SNX9: variants seen among roughly 807,000 people sequenced by gnomAD.
SNX9 encodes sorting nexin 9.
A neutral mutation model predicts 89.4 loss-of-function variants in SNX9; 44 were observed. The observed-to-expected ratio is 0.49, with a 90% CI of 0.39 to 0.63. SNX9 has a LOEUF of 0.63. Ranked by LOEUF, SNX9 falls within the 30% of genes least tolerant of loss-of-function variation. The pLI is 0.00. For missense variants in SNX9, 578 were observed against 736.1 expected, an observed-to-expected ratio of 0.79 and a Z score of 2.49; for synonymous variants, 236 against 247.8, an observed-to-expected ratio of 0.95 and a Z score of 0.45.
At chr6:157,902,671 T>C (rs1783130233) in intron 6 of SNX9, among the ~76,000 whole-genome samples, 1 of 152,172 alleles carries the variant, frequency 6.6e-6, no homozygotes, top group Non-Finnish European at 1.5e-5. Context: ...TGTTGTGTTT[T>C]ATTTTTTTGT....
At chr6:157,832,864 T>G (rs1023302025) in intron 1 of SNX9, among the ~76,000 whole-genome samples, 3 of 152,234 alleles carry the variant, frequency 2.0e-5, no homozygotes, top group Non-Finnish European at 2.9e-5. Context: ...CATATCAGTC[T>G]GTTACTTAGT....
rs1554291784 is a variant in SNX9, at chr6:157,844,587, G to GTTTTTTTGTTTTT, written c.12+21148_12+21149insGTTTTTTTTTTTT. Reference sequence around the variant, plus strand: ...ATTTTTAATCTTGTGGCTAATCCTTGTTTTTTTTTTTTGTTTTTTTTTTTG... The same window carrying GTTTTTTTGTTTTT: ...ATTTTTAATCTTGTGGCTAATCCTTGTTTTTTTGTTTTTTTTTTTTTTTTTGTTTTTTTTTTTG... On this transcript the variant is annotated intron_variant, in intron 1 of 17. Coordinates refer to ENST00000392185, the MANE Select transcript of SNX9 (RefSeq NM_016224.5). 1.2e-3 allele frequency among the ~76,000 whole-genome samples: 161 copies of GTTTTTTTGTTTTT among 130,266 alleles called. 8 individuals carry two copies. In the East Asian group the frequency reaches 0.019, roughly 15 times the overall value. 85.5% of individuals were successfully genotyped at this position (130,266 alleles called of 152,430 possible).
chr6:157,878,226 G>T (rs1018790353), intron 4 of SNX9, among the ~76,000 whole-genome samples: 2 of 152,210 alleles, frequency 1.3e-5, no homozygotes, highest in Non-Finnish European at 2.9e-5. Flanking sequence ...TCTTTTGGTG[G>T]TGAGAAAACG....
At chr6:157,847,634 A>T (rs1339743438) in intron 1 of SNX9, among the ~76,000 whole-genome samples, 1 of 152,142 alleles carries the variant, frequency 6.6e-6, no homozygotes, top group Non-Finnish European at 1.5e-5. Flanking sequence ...GGCTATGTAT[A>T]TCTGTGCTGA....
chr6:157,884,950 T>G (rs1182953364), intron 4 of SNX9, among the ~76,000 whole-genome samples: 1 of 152,216 alleles, frequency 6.6e-6, no homozygotes, highest in East Asian at 1.9e-4. Context: ...GTGTAAAAGC[T>G]TATTTCACAT....
At chr6:157,901,819 G>C (rs952715249) in intron 5 of SNX9, 79 bp from the exon 6 acceptor site, 1 of 1,525,346 alleles carries the variant, frequency 6.6e-7, no homozygotes, top group Non-Finnish European at 8.8e-7. Flanking sequence ...GGTAGTTACT[G>C]TCAGAAAATT....
chr6:157,909,794 A>G lies in SNX9; in HGVS notation c.831+4A>G. 4 of 1,613,800 alleles carry G rather than the reference A, an allele frequency of 2.5e-6. No homozygotes were observed. The highest frequency in any genetic ancestry group is 3.4e-6 in the Non-Finnish European group (4 of 1,179,920). ...CGAATATCAGCTAACACCTACTGTA[A>G]GTATCCACGTTATCAAAAGCAGAAT... On this transcript the variant is annotated splice_donor_region_variant and intron_variant, in intron 8 of 17. Coordinates refer to ENST00000392185, the MANE Select transcript of SNX9 (RefSeq NM_016224.5).
rs1266129976 is a variant in SNX9 at position 157,858,138 on chromosome 6, C to T, written c.13-9409C>T. The stretch of plus-strand genomic sequence containing the variant: ...CCTGGCAGCAAGAGATGGCAGCCCC[C>T]ACCCCATGTATAAGTGCTTTTCATG... On this transcript the variant is annotated intron_variant, in intron 1 of 17. Transcript: ENST00000392185. Among the ~76,000 whole-genome samples, 5 of 152,270 alleles carry T rather than the reference C, an allele frequency of 3.3e-5. No individual in the cohort carries two copies. The East Asian group carries it at 9.6e-4, about 29-fold the overall frequency.
chr6:157,842,129 A>G (rs1446501639), intron 1 of SNX9, among the ~76,000 whole-genome samples: 2 of 152,224 alleles, frequency 1.3e-5, no homozygotes, highest in African/African-American at 4.8e-5. Context: ...TACATTCTTA[A>G]TATCTTCAAA....
intron 1 of SNX9, among the ~76,000 whole-genome samples, chr6:157,862,135 A>G (rs1782144671): frequency 6.6e-6 from 1 of 152,234 alleles, no homozygotes; most frequent in African/African-American, 2.4e-5. Flanking sequence ...ATTTGATAGC[A>G]GTTCACTGAA....
intron 10 of SNX9, among the ~76,000 whole-genome samples, chr6:157,922,087 C>T (rs1283571321): frequency 2.6e-5 from 4 of 152,170 alleles, no homozygotes; most frequent in African/African-American, 9.7e-5. Flanking sequence ...AGACATGAGC[C>T]GCTCTTCTCA....
intron 12 of SNX9, among the ~76,000 whole-genome samples, chr6:157,929,972 A>T (rs1307800825): frequency 1.3e-5 from 2 of 152,186 alleles, no homozygotes; most frequent in African/African-American, 2.4e-5. Context: ...GAACACACCC[A>T]TGCCCATTTA....
At chr6:157,923,428 T>TA (rs71788446) in intron 10 of SNX9, among the ~76,000 whole-genome samples, 9,287 of 148,136 alleles carry the variant, frequency 0.063, 745 homozygotes, top group African/African-American at 0.19. Flanking sequence ...ATTGAAAATC[T>TA]AAAAAAAAAA....
chr6:157,917,591 G>C (rs781141994), intron 9 of SNX9, among the ~76,000 whole-genome samples: 17 of 151,984 alleles, frequency 1.1e-4, no homozygotes, highest in Non-Finnish European at 1.6e-4. Context: ...ATGGGAATTG[G>C]TTCCAGAACC....
chr6:157,835,501 C>T (rs1002502400), intron 1 of SNX9, among the ~76,000 whole-genome samples: 3 of 150,012 alleles, frequency 2.0e-5, no homozygotes, highest in Non-Finnish European at 4.4e-5. Flanking sequence ...AAGCCTTGAA[C>T]TCCCACACTG....
At chr6:157,904,581 C>T (rs59343355) in intron 6 of SNX9, among the ~76,000 whole-genome samples, 6 of 152,078 alleles carry the variant, frequency 3.9e-5, no homozygotes, top group African/African-American at 1.2e-4. Context: ...CCCACAGAAG[C>T]GCACCTGTAG....
In SNX9 at chr6:157,928,668, G is replaced by A. The variant is rs748554695; in HGVS notation, c.1254G>A (p.Thr418=). 15 of 1,609,744 alleles carry A rather than the reference G, an allele frequency of 9.3e-6. No individual in the cohort carries two copies. Among genetic ancestry groups the A allele is most frequent in the East Asian group, 2.2e-5 (1 of 44,594 alleles). ...ATGACGGCGTGAAGGAGCTGCTGAC[G>A]GTGGGGCAGGAGCACTGGAAGCGCT... is the stretch of plus-strand genomic sequence containing the variant. The part of the protein sequence containing the change: ...AMDDGVKELL[T]VGQEHWKRCT... The change falls in exon 12 of 18, where the codon ACG becomes ACA. Residue 418 remains threonine, a synonymous_variant. Coordinates refer to ENST00000392185, the MANE Select transcript of SNX9 (RefSeq NM_016224.5).
At chr6:157,833,492 TA>T (rs1781513646) in intron 1 of SNX9, among the ~76,000 whole-genome samples, 1 of 152,174 alleles carries the variant, frequency 6.6e-6, no homozygotes, top group African/African-American at 2.4e-5. Context: ...TTAAGTATGG[TA>T]CTTAAGGAAA....
At chr6:157,877,895 A>G (rs1295217381) in intron 4 of SNX9, among the ~76,000 whole-genome samples, 3 of 152,214 alleles carry the variant, frequency 2.0e-5, no homozygotes, top group African/African-American at 7.2e-5. Flanking sequence ...TCAGTTGGTT[A>G]TCCAACTTCC....
Sources: gnomAD v4.1 joint callset for allele counts (sites outside exome capture counted in the v4.1 genomes callset) on GRCh38, gnomAD v4.1.1 for gene constraint, MANE v1.5 for transcripts, NCBI Gene and HGNC (gene_info 2026-07-23, HGNC 2026-07-21) for gene names.